Variants in SPAG17 observed in about 807,000 individuals in gnomAD.
SPAG17 encodes sperm-associated antigen 17.
SPAG17 carries 169 observed loss-of-function variants against 273.6 expected under a neutral mutation model. The ratio of observed to expected loss-of-function variants is 0.62; its 90% CI spans 0.55 to 0.70. The LOEUF (loss-of-function observed/expected upper bound fraction) is 0.70, where lower values mean the gene tolerates loss of function less well. SPAG17 is among the 30% of genes least tolerant of loss of function. The pLI, the probability that SPAG17 is intolerant of heterozygous loss-of-function variation, is 0.00. For synonymous variants in SPAG17, 825 were observed against 873.2 expected, an observed-to-expected ratio of 0.94 and a Z score of 0.97; for missense variants, 2,557 against 2,627.8, an observed-to-expected ratio of 0.97 and a Z score of 0.59.
Position 118,166,345 on chromosome 1 carries a change from A to G in SPAG17, c.88-14976T>C, listed in dbSNP as rs576281926. Among the ~76,000 whole-genome samples, 133 of 152,316 alleles carry G rather than the reference A, an allele frequency of 8.7e-4. 1 individual carries two copies. The highest frequency in any genetic ancestry group is 3.1e-3 in the African/African-American group (127 of 41,562). ...TCTGTATGAAAAATATTGAGTTACC[A>G]TGGAAGTATAGGAAATGTTTTGTCA... is the stretch of plus-strand genomic sequence containing the variant. On this transcript the variant is annotated intron_variant, in intron 1 of 48. Transcript: ENST00000336338.
chr1:118,133,598 C>A (rs1248037478), intron 3 of SPAG17, among the ~76,000 whole-genome samples: 1 of 152,122 alleles, frequency 6.6e-6, no homozygotes, highest in Non-Finnish European at 1.5e-5. Context: ...GAGGTTCCTG[C>A]ATCAACCCCC....
At chr1:118,184,971 T>A in intron 1 of SPAG17, 100 bp downstream of exon 1, 1 of 983,010 alleles carries the variant, frequency 1.0e-6, no homozygotes, top group South Asian at 1.4e-5. Context: ...CACGGAGAGA[T>A]ACGGAAGAGA....
At chr1:118,062,543 A>G (rs1652449848) in intron 18 of SPAG17, among the ~76,000 whole-genome samples, 1 of 152,030 alleles carries the variant, frequency 6.6e-6, no homozygotes, top group Admixed American at 6.5e-5. Flanking sequence ...GAACATGCCT[A>G]AGGATAAAAG....
At chr1:118,141,813 CTGTT>C (rs1467690765) in intron 3 of SPAG17, among the ~76,000 whole-genome samples, 1 of 152,122 alleles carries the variant, frequency 6.6e-6, no homozygotes, top group Non-Finnish European at 1.5e-5. Flanking sequence ...GTTACTACTG[CTGTT>C]TGTTTCTTAA....
At chr1:118,029,897 A>G (rs1648235861) in intron 25 of SPAG17, among the ~76,000 whole-genome samples, 1 of 152,226 alleles carries the variant, frequency 6.6e-6, no homozygotes, top group Non-Finnish European at 1.5e-5. Flanking sequence ...GCTAAAAATA[A>G]ATTTAAAACA....
At chr1:118,025,529 A>G in intron 26 of SPAG17, 113 bp from the exon 27 acceptor site, 1 of 889,290 alleles carries the variant, frequency 1.1e-6, no homozygotes. Context: ...AAAAATAGAG[A>G]CAAAGTCTCG....
intron 6 of SPAG17, 59 bp downstream of exon 6, chr1:118,099,547 A>T: frequency 1.4e-6 from 2 of 1,404,634 alleles, no homozygotes; most frequent in Non-Finnish European, 2.0e-6. Context: ...TTATATTTGT[A>T]CTTTAAGGAC....
At chr1:118,125,904 G>C (rs1657694205) in intron 3 of SPAG17, among the ~76,000 whole-genome samples, 1 of 152,062 alleles carries the variant, frequency 6.6e-6, no homozygotes. Flanking sequence ...GGGAATGGTG[G>C]ATCATATAGT....
At chr1:117,973,176 G>T (rs898728213) in intron 44 of SPAG17, among the ~76,000 whole-genome samples, 2 of 152,106 alleles carry the variant, frequency 1.3e-5, no homozygotes, top group African/African-American at 4.8e-5. Context: ...ATTTCTCCCA[G>T]CAGCCTGTAT....
At chr1:118,019,314 CAA>C (rs1427963285) in intron 28 of SPAG17, among the ~76,000 whole-genome samples, 1 of 151,526 alleles carries the variant, frequency 6.6e-6, no homozygotes. Context: ...TAAAACAAAA[CAA>C]AGAAGTGTTA....
intron 30 of SPAG17, among the ~76,000 whole-genome samples, 178 bp downstream of exon 30, chr1:118,012,044 GATAATA>G (rs1659526884): frequency 6.6e-6 from 1 of 151,900 alleles, no homozygotes; most frequent in Non-Finnish European, 1.5e-5. Context: ...AAGTAATGAT[GATAATA>G]ATAATACTAC....
intron 13 of SPAG17, among the ~76,000 whole-genome samples, chr1:118,083,657 C>T (rs1299142637): frequency 2.0e-5 from 3 of 152,032 alleles, no homozygotes; most frequent in Admixed American, 6.6e-5. Context: ...TGATGGCGTG[C>T]GCCTGTAATC....
intron 24 of SPAG17, among the ~76,000 whole-genome samples, chr1:118,036,226 A>AGAAG (rs1228997454): frequency 6.6e-6 from 1 of 151,968 alleles, no homozygotes; most frequent in Non-Finnish European, 1.5e-5. Context: ...AAAGAAGGAA[A>AGAAG]GAAGGAAGGA....
At chr1:118,119,534 G>A (rs1423448408) in intron 3 of SPAG17, among the ~76,000 whole-genome samples, 1 of 152,150 alleles carries the variant, frequency 6.6e-6, no homozygotes, top group African/African-American at 2.4e-5. Flanking sequence ...GGAGGCCCAT[G>A]GTGTTTATTG....
At position 117,983,793 on chromosome 1, in the gene SPAG17, G is replaced by T. The variant is rs750900558; in HGVS notation, c.5872+18C>A. 6 of 1,498,956 alleles carry T rather than the reference G, an allele frequency of 4.0e-6. No individual in the cohort carries two copies. In the Admixed American group the frequency reaches 6.8e-5, roughly 17 times the overall value. 92.9% of individuals were successfully genotyped at this position (1,498,956 alleles called of 1,614,324 possible). A position where few individuals can be genotyped will look rare whatever the true frequency, so the allele number is the denominator to read the frequency against. ...TTACGGACATTTAATAGGAATATGT[G>T]CTATGCTAACATATTACCTAGATTA... On this transcript the variant is annotated intron_variant, in intron 42 of 48. Coordinates refer to ENST00000336338, the MANE Select transcript of SPAG17 (RefSeq NM_206996.4).
chr1:118,086,998 G>T lies in SPAG17; in HGVS notation c.1370C>A (p.Thr457Asn), dbSNP rs1256119384. 8 of 1,565,340 alleles carry T rather than the reference G, an allele frequency of 5.1e-6. No homozygotes were observed. The highest frequency in any genetic ancestry group is 1.7e-4 in the Middle Eastern group (1 of 5,844). Residue 457 changes from threonine to asparagine, a missense_variant, in exon 11 of 49, where the codon ACT (threonine) becomes AAT (asparagine). Physicochemically the swap from Thr to Asn is moderately conservative, Grantham distance 65. Transcript: ENST00000336338. ...LHCMLEQVVA[T>N]EEDLVPPSLR... Reference sequence around the variant, plus strand: ...ACTGGGTGGGACGAGATCTTCTTCAGTTGCAACAACCTGTTGAAATCAACA... The same window carrying T: ...ACTGGGTGGGACGAGATCTTCTTCATTTGCAACAACCTGTTGAAATCAACA...
intron 3 of SPAG17, among the ~76,000 whole-genome samples, chr1:118,147,441 G>C (rs1454508572): frequency 6.6e-6 from 1 of 152,184 alleles, no homozygotes; most frequent in Non-Finnish European, 1.5e-5. Flanking sequence ...TGATAAAGCA[G>C]TAGCCAACAT....
At chr1:118,151,204 CTT>C (rs765401427) in intron 2 of SPAG17, 23 bp downstream of exon 2, 1 of 1,488,756 alleles carries the variant, frequency 6.7e-7, no homozygotes, top group East Asian at 2.4e-5. Context: ...CTTCAGGTGG[CTT>C]TGAGGTAGGA....
chr1:118,148,982 C>G (rs926564867), intron 3 of SPAG17, among the ~76,000 whole-genome samples: 7 of 152,070 alleles, frequency 4.6e-5, no homozygotes, highest in Non-Finnish European at 1.0e-4. Context: ...TGACAAGGAG[C>G]CTGAATTTGT....
Sources: gnomAD v4.1 joint callset for allele counts (sites outside exome capture counted in the v4.1 genomes callset) on GRCh38, gnomAD v4.1.1 for gene constraint, MANE v1.5 for transcripts, NCBI Gene and HGNC (gene_info 2026-07-23, HGNC 2026-07-21) for gene names.